The following TRDN variants were observed in gnomAD, a reference collection of about 807,000 sequenced individuals.
TRDN encodes triadin in skeletal muscle.
A neutral mutation model predicts 149.7 loss-of-function variants in TRDN; 161 were observed. That is an observed-to-expected ratio of 1.08 (90% confidence interval 0.95 to 1.23). The LOEUF is 1.23. Among genes scored for constraint, TRDN ranks in the 50% most tolerant of loss-of-function variants. TRDN has a pLI of 0.00. For missense variants in TRDN, 896 were observed against 823.5 expected, an observed-to-expected ratio of 1.09 and a Z score of -1.08; for synonymous variants, 294 against 250.5, an observed-to-expected ratio of 1.17 and a Z score of -1.64.
intron 10 of TRDN, among the ~76,000 whole-genome samples, chr6:123,458,152 T>C (rs768561214): frequency 6.6e-6 from 1 of 152,240 alleles, no homozygotes; most frequent in Non-Finnish European, 1.5e-5. Flanking sequence ...GGCCAGTCTT[T>C]GTGTTATCCA....
intron 12 of TRDN, among the ~76,000 whole-genome samples, chr6:123,409,229 T>A (rs904297258): frequency 6.6e-6 from 1 of 152,278 alleles, no homozygotes; most frequent in South Asian, 2.1e-4. Flanking sequence ...ACCTATAAAG[T>A]TCACAGTACT....
intron 12 of TRDN, 101 bp from the exon 13 acceptor site, chr6:123,393,778 G>T (rs1772606679): frequency 2.6e-6 from 3 of 1,173,458 alleles, no homozygotes; most frequent in Non-Finnish European, 2.4e-6. Context: ...AGCATAAAAA[G>T]TGTTGCTTTT....
intron 9 of TRDN, among the ~76,000 whole-genome samples, chr6:123,485,070 T>C (rs1413086392): frequency 6.6e-6 from 1 of 152,230 alleles, no homozygotes; most frequent in Non-Finnish European, 1.5e-5. Context: ...TACATTTATC[T>C]TGAATAGCTT....
chr6:123,222,978 T>A (rs1036160954), intron 39 of TRDN, among the ~76,000 whole-genome samples: 2 of 151,760 alleles, frequency 1.3e-5, no homozygotes, highest in East Asian at 1.9e-4. Flanking sequence ...ATGGCTATTA[T>A]GAAAAAGTCA....
chr6:123,335,637 T>A (rs1485030649), intron 22 of TRDN, among the ~76,000 whole-genome samples: 1 of 151,912 alleles, frequency 6.6e-6, no homozygotes, highest in Non-Finnish European at 1.5e-5. Context: ...CATGTGAAGA[T>A]TTTAAGTAAT....
At chr6:123,486,161 A>T (rs1248441354) in intron 9 of TRDN, among the ~76,000 whole-genome samples, 3 of 152,098 alleles carry the variant, frequency 2.0e-5, no homozygotes, top group Non-Finnish European at 4.4e-5. Context: ...ATGGATCCAA[A>T]CATATTTTCT....
intron 24 of TRDN, among the ~76,000 whole-genome samples, chr6:123,301,774 T>TATAC (rs1289193989): frequency 1.8e-4 from 25 of 138,608 alleles, no homozygotes; most frequent in South Asian, 4.4e-4. Flanking sequence ...TATATACATA[T>TATAC]ATATATATAT....
At chr6:123,270,397 T>G (rs1777166937) in intron 30 of TRDN, among the ~76,000 whole-genome samples, 1 of 151,950 alleles carries the variant, frequency 6.6e-6, no homozygotes, top group African/African-American at 2.4e-5. Flanking sequence ...AAATCCTTAT[T>G]ATCTGATTAT....
intron 12 of TRDN, among the ~76,000 whole-genome samples, chr6:123,414,200 T>C (rs1232641099): frequency 6.6e-6 from 1 of 152,046 alleles, no homozygotes; most frequent in African/African-American, 2.4e-5. Context: ...CAATTAATAA[T>C]ACTTTCCGAA....
chr6:123,619,435 C>T (rs1785268542), intron 1 of TRDN, among the ~76,000 whole-genome samples: 1 of 152,128 alleles, frequency 6.6e-6, no homozygotes, highest in African/African-American at 2.4e-5. Flanking sequence ...TCATTATGGG[C>T]CTGCCTCCAG....
At chr6:123,309,047 T>C (rs1249417832) in intron 24 of TRDN, among the ~76,000 whole-genome samples, 2 of 152,052 alleles carry the variant, frequency 1.3e-5, no homozygotes, top group African/African-American at 4.8e-5. Flanking sequence ...GCTCCTACTT[T>C]TATTTTATAA....
chr6:123,302,044 A>C (rs1778448744), intron 24 of TRDN, among the ~76,000 whole-genome samples: 1 of 150,656 alleles, frequency 6.6e-6, no homozygotes, highest in African/African-American at 2.4e-5. Flanking sequence ...ATTCAATTTT[A>C]CATATAATAT....
At chr6:123,256,129 C>T (rs1776550659) in intron 35 of TRDN, among the ~76,000 whole-genome samples, 1 of 152,046 alleles carries the variant, frequency 6.6e-6, no homozygotes, top group East Asian at 1.9e-4. Context: ...GTGATGTTCC[C>T]ATCCCTGTGC....
intron 1 of TRDN, among the ~76,000 whole-genome samples, chr6:123,603,622 T>C (rs1440191605): frequency 2.0e-5 from 3 of 152,152 alleles, no homozygotes; most frequent in Non-Finnish European, 4.4e-5. Flanking sequence ...TTTCATGTTA[T>C]GATAATGAAA....
chr6:123,617,789 A>AGAGTGTGAGT (rs1351985250), intron 1 of TRDN, among the ~76,000 whole-genome samples: 1 of 151,994 alleles, frequency 6.6e-6, no homozygotes, highest in African/African-American at 2.4e-5. Context: ...CCCAGGCTGG[A>AGAGTGTGAGT]GTGAAGTGGT....
chr6:123,417,520 G>C (rs2114531642), intron 12 of TRDN, among the ~76,000 whole-genome samples: 1 of 152,282 alleles, frequency 6.6e-6, no homozygotes, highest in Non-Finnish European at 1.5e-5. Flanking sequence ...TATGGTCAAA[G>C]GGGCTCTTTC....
At chr6:123,269,469 G>C (rs1264969179) in intron 31 of TRDN, among the ~76,000 whole-genome samples, 1 of 151,902 alleles carries the variant, frequency 6.6e-6, no homozygotes, top group Non-Finnish European at 1.5e-5. Flanking sequence ...ATGTTTAAAA[G>C]ATTTCCAACC....
At chr6:123,596,255 C>G (rs764444870) in intron 1 of TRDN, among the ~76,000 whole-genome samples, 29 of 152,206 alleles carry the variant, frequency 1.9e-4, no homozygotes, top group Non-Finnish European at 3.8e-4. Context: ...GACCAAGGCA[C>G]TAACTCTCTT....
chr6:123,273,947 T>C (rs1001310339), intron 27 of TRDN, among the ~76,000 whole-genome samples: 3 of 152,068 alleles, frequency 2.0e-5, no homozygotes, highest in African/African-American at 7.2e-5. Context: ...AGGTCAATGC[T>C]ACCTTCTAAT....
Sources: allele counts gnomAD v4.1 joint callset (sites outside exome capture counted in the v4.1 genomes callset), GRCh38; gene constraint gnomAD v4.1.1; transcripts MANE v1.5; gene names NCBI Gene and HGNC (gene_info 2026-07-23, HGNC 2026-07-21).